The following MME variants were observed in gnomAD, a reference collection of about 807,000 sequenced individuals.
MME encodes membrane metalloendopeptidase.
In MME, 98 loss-of-function variants were observed where a neutral mutation model predicts 113.2. That is an observed-to-expected ratio of 0.87 (90% CI 0.74 to 1.02). MME has a LOEUF of 1.02. Ranked by LOEUF, MME falls within the 50% of genes least tolerant of loss-of-function variation. The pLI is 0.00. For missense variants in MME, 836 were observed against 896.0 expected (o/e 0.93, Z 0.86); for synonymous variants, 292 against 300.6 (o/e 0.97, Z 0.30).
upstream of MME, chr3:155,079,705 C>G (rs969632921): frequency 6.6e-6 from 1 of 151,392 alleles, no homozygotes; most frequent in Admixed American, 6.6e-5. Flanking sequence ...TGACCGAGAG[C>G]AGGCTGGAGC....
intron 3 of MME, among the ~76,000 whole-genome samples, chr3:155,093,153 A>G (rs16824555): frequency 1.3e-5 from 2 of 151,498 alleles, no homozygotes; most frequent in Non-Finnish European, 1.5e-5. Context: ...TATGCTTGCT[A>G]TTGTATGTTG....
At chr3:155,038,107 T>G (rs1037690275) in intron 1 of MME, among the ~76,000 whole-genome samples, 1 of 152,210 alleles carries the variant, frequency 6.6e-6, no homozygotes, top group Non-Finnish European at 1.5e-5. Context: ...TAGTGCCATA[T>G]GTTTTTCAGT....
intron 1 of MME, among the ~76,000 whole-genome samples, chr3:155,056,121 A>T (rs1286485160): frequency 6.6e-6 from 1 of 152,148 alleles, no homozygotes; most frequent in Non-Finnish European, 1.5e-5. Context: ...GCAGCACTCC[A>T]AATGCCTCTT....
chr3:155,072,607 G>T (rs915194424), intron 1 of MME, among the ~76,000 whole-genome samples: 1 of 152,070 alleles, frequency 6.6e-6, no homozygotes, highest in Non-Finnish European at 1.5e-5. Context: ...TAGGGCAGTT[G>T]GTTATTTTGT....
At chr3:155,112,236 A>G (rs1448639812) in intron 3 of MME, 3 of 152,232 alleles carry the variant, frequency 2.0e-5, no homozygotes, top group African/African-American at 7.2e-5. Context: ...GTGAGCTGAT[A>G]CAGACTTTTG....
chr3:155,163,168 C>A (rs192126097), intron 17 of MME, among the ~76,000 whole-genome samples: 1 of 151,950 alleles, frequency 6.6e-6, no homozygotes, highest in Non-Finnish European at 1.5e-5. Flanking sequence ...ATATGTGCCA[C>A]GTAAGTGAGC....
intron 7 of MME, among the ~76,000 whole-genome samples, chr3:155,118,105 A>G (rs1438594020): frequency 2.6e-5 from 4 of 152,168 alleles, no homozygotes; most frequent in Non-Finnish European, 5.9e-5. Context: ...ATCTGGGTCT[A>G]CTGAGGTTCT....
chr3:155,034,623 A>G (rs528582742), intron 1 of MME, among the ~76,000 whole-genome samples: 16 of 152,326 alleles, frequency 1.1e-4, no homozygotes, highest in African/African-American at 3.6e-4. Flanking sequence ...TGAGATTTTT[A>G]TAAAGCACAA....
chr3:155,093,090 T>C (rs1716430514), intron 3 of MME, among the ~76,000 whole-genome samples: 1 of 152,074 alleles, frequency 6.6e-6, no homozygotes, highest in Admixed American at 6.5e-5. Flanking sequence ...CCTTCATTCT[T>C]TCCCCCATCT....
In MME at chr3:155,109,126, A is replaced by G. The variant is rs73875808; in HGVS notation, c.197-5868A>G. ...TCTTGGCCATCAGAAGAGAGAAGTGATTTTGAATATAGTATAGTTTTTGCT... is the reference window on the plus strand; with the variant it reads ...TCTTGGCCATCAGAAGAGAGAAGTGGTTTTGAATATAGTATAGTTTTTGCT... On this transcript the variant is annotated intron_variant, in intron 3 of 22. Coordinates refer to ENST00000360490, the MANE Select transcript of MME (RefSeq NM_007289.4). Among the ~76,000 whole-genome samples, 454 of 152,286 alleles carry G rather than the reference A, an allele frequency of 3.0e-3. 2 individuals are homozygous for G. The highest frequency in any genetic ancestry group is 0.01 in the African/African-American group (429 of 41,562).
intron 17 of MME, among the ~76,000 whole-genome samples, chr3:155,166,063 G>C (rs1292597114): frequency 1.3e-5 from 2 of 152,082 alleles, no homozygotes; most frequent in Non-Finnish European, 2.9e-5. Flanking sequence ...GTAAGTTAGG[G>C]TGATCATTCA....
At chr3:155,161,503 T>A (rs1722720153) in intron 17 of MME, among the ~76,000 whole-genome samples, 1 of 151,176 alleles carries the variant, frequency 6.6e-6, no homozygotes, top group Non-Finnish European at 1.5e-5. Context: ...TATCATTGGC[T>A]AAAAAAAAAC....
intron 7 of MME, among the ~76,000 whole-genome samples, chr3:155,117,599 G>GTTTTTTTTT (rs5853715): frequency 4.6e-5 from 6 of 131,436 alleles, no homozygotes; most frequent in Non-Finnish European, 6.4e-5. Context: ...TTTTTTTTTT[G>GTTTTTTTTT]TTTTTTTTTT....
chr3:155,127,007 CAAAAAAA>C (rs781764437), intron 8 of MME, among the ~76,000 whole-genome samples: 1 of 65,090 alleles, frequency 1.5e-5, no homozygotes, highest in Non-Finnish European at 3.3e-5. Flanking sequence ...AACTCCATCT[CAAAAAAA>C]AAAAAAAAAA....
intron 1 of MME, among the ~76,000 whole-genome samples, chr3:155,024,498 A>C (rs549846997): frequency 6.6e-6 from 1 of 152,328 alleles, no homozygotes; most frequent in African/African-American, 2.4e-5. Flanking sequence ...GTATTGATTT[A>C]TGTTGTTTTC....
At position 155,084,237 on chromosome 3, in the gene MME, T is replaced by C. The variant is rs772757088; in HGVS notation, c.70T>C (p.Trp24Arg). The C allele has an allele frequency of 6.2e-7, 1 of 1,614,170 alleles. No individual in the cohort carries two copies. Among genetic ancestry groups the C allele is most frequent in the Non-Finnish European group, 8.5e-7 (1 of 1,180,002 alleles). Residue 24 changes from tryptophan to arginine, a missense_variant, in exon 2 of 23, where the codon TGG (tryptophan) becomes CGG (arginine). Transcript: ENST00000360490. ...NTPKPKKKQR[W>R]TPLEISLSVL... The stretch of plus-strand genomic sequence containing the variant: ...TCCAAAGCCAAAGAAGAAACAGCGA[T>C]GGACTCCACTGGAGATCAGCCTCTC...
At chr3:155,147,543 C>T (rs1721611064) in intron 15 of MME, among the ~76,000 whole-genome samples, 1 of 152,166 alleles carries the variant, frequency 6.6e-6, no homozygotes, top group African/African-American at 2.4e-5. Context: ...CTTCTTATCA[C>T]ATTTTACACA....
At chr3:155,035,588 G>C (rs1194916702) in intron 1 of MME, among the ~76,000 whole-genome samples, 1 of 152,126 alleles carries the variant, frequency 6.6e-6, no homozygotes, top group East Asian at 1.9e-4. Flanking sequence ...GGTGGCATTT[G>C]AAGAGAACCT....
chr3:155,134,395 G>A (rs771766723), intron 8 of MME, among the ~76,000 whole-genome samples: 2 of 152,058 alleles, frequency 1.3e-5, no homozygotes, highest in Non-Finnish European at 2.9e-5. Context: ...GTGGTATTTG[G>A]TTTTCTCTTC....
Sources: allele counts gnomAD v4.1 joint callset (sites outside exome capture counted in the v4.1 genomes callset), GRCh38; gene constraint gnomAD v4.1.1; transcripts MANE v1.5; gene names NCBI Gene and HGNC (gene_info 2026-07-23, HGNC 2026-07-21).